Variants in APBB2 observed in about 807,000 individuals in gnomAD.
The protein encoded by APBB2 is amyloid beta precursor protein binding family B member 2.
A neutral mutation model predicts 82.5 loss-of-function variants in APBB2; 38 were observed. The observed-to-expected ratio is 0.46, with a 90% CI of 0.36 to 0.60. APBB2 has a LOEUF of 0.60. APBB2 is among the 20% of genes least tolerant of loss of function. The pLI, the probability that APBB2 is intolerant of heterozygous loss-of-function variation, is 0.00. For synonymous variants in APBB2, 341 were observed against 368.2 expected, an observed-to-expected ratio of 0.93 and a Z score of 0.85; for missense variants, 772 against 972.3, an observed-to-expected ratio of 0.79 and a Z score of 2.74.
At chr4:40,883,203 T>C (rs1769173884) in intron 12 of APBB2, among the ~76,000 whole-genome samples, 1 of 149,486 alleles carries the variant, frequency 6.7e-6, no homozygotes, top group Non-Finnish European at 1.5e-5. Flanking sequence ...CCTATACCCT[T>C]TTATAATACA....
intron 12 of APBB2, among the ~76,000 whole-genome samples, chr4:40,887,387 T>A (rs1262737324): frequency 6.6e-6 from 1 of 152,138 alleles, no homozygotes; most frequent in Admixed American, 6.6e-5. Flanking sequence ...CATCAAGAAA[T>A]CCCTGAAGAG....
intron 6 of APBB2, among the ~76,000 whole-genome samples, chr4:40,992,368 G>GGC (rs1553899666): frequency 2.1e-5 from 3 of 145,994 alleles, no homozygotes; most frequent in Admixed American, 2.0e-4. Context: ...AGATGGGGGG[G>GGC]GGTCTTTCTA....
intron 5 of APBB2, among the ~76,000 whole-genome samples, chr4:41,022,505 T>C (rs1029553006): frequency 2.0e-5 from 3 of 152,168 alleles, no homozygotes; most frequent in African/African-American, 7.2e-5. Context: ...TACTCCTCTT[T>C]GAAGATTCAG....
At chr4:40,906,559 C>T (rs1776811297) in intron 10 of APBB2, among the ~76,000 whole-genome samples, 1 of 151,680 alleles carries the variant, frequency 6.6e-6, no homozygotes, top group Non-Finnish European at 1.5e-5. Flanking sequence ...TTCAGAGTCC[C>T]AATGAGGAGG....
chr4:41,024,240 G>A (rs1713013624), intron 5 of APBB2, among the ~76,000 whole-genome samples: 1 of 152,090 alleles, frequency 6.6e-6, no homozygotes, highest in African/African-American at 2.4e-5. Flanking sequence ...CTGGAAGACA[G>A]CCTAAGCAAT....
chr4:40,906,114 T>C lies in APBB2; in HGVS notation c.1255-12703A>G, dbSNP rs1578329974. On this transcript the variant is annotated intron_variant, in intron 10 of 17. Coordinates refer to ENST00000508593, the MANE Select transcript of APBB2 (RefSeq NM_004307.2). ...ACATTTTTGCATGGCAATGAAATAA[T>C]GTCTTCAGTGTATTCTAAGCATAGA... Among the ~76,000 whole-genome samples, 4 of 152,198 alleles carry C rather than the reference T, an allele frequency of 2.6e-5. No individual in the cohort carries two copies. The South Asian group carries it at 8.3e-4, about 32-fold the overall frequency.
chr4:40,957,812 G>C (rs1261806841), intron 6 of APBB2, among the ~76,000 whole-genome samples: 1 of 152,126 alleles, frequency 6.6e-6, no homozygotes, highest in Non-Finnish European at 1.5e-5. Context: ...TCGAACTCCT[G>C]ACCTCAGGTG....
At chr4:41,050,156 G>A (rs1209760249) in intron 4 of APBB2, among the ~76,000 whole-genome samples, 11 of 152,112 alleles carry the variant, frequency 7.2e-5, no homozygotes, top group African/African-American at 2.7e-4. Flanking sequence ...TACCTCACAT[G>A]GTTACTATGT....
At chr4:41,065,555 A>G (rs1246555266) in intron 4 of APBB2, 21 bp downstream of exon 4, 1 of 152,170 alleles carries the variant, frequency 6.6e-6, no homozygotes, top group Non-Finnish European at 1.5e-5. Flanking sequence ...AAAGCAAGAG[A>G]GAGACTGATC....
At chr4:40,985,482 C>G (rs35302880) in intron 6 of APBB2, among the ~76,000 whole-genome samples, 1 of 152,094 alleles carries the variant, frequency 6.6e-6, no homozygotes, top group South Asian at 2.1e-4. Context: ...AAGTATGCAG[C>G]AACAGAGAGC....
rs886365201 is a variant in APBB2, at chr4:40,822,230, C to G, written c.1933-180G>C. On this transcript the variant is annotated intron_variant, in intron 16 of 17. Transcript: ENST00000508593. Reference sequence around the variant, plus strand: ...GAAGAGGCCATCACTGCATGGCTACCCTGTTCTGGAGGTCATTCTTGCTCT... The same window carrying G: ...GAAGAGGCCATCACTGCATGGCTACGCTGTTCTGGAGGTCATTCTTGCTCT... 7.1e-5 allele frequency: 46 copies of G among 645,862 alleles called. No homozygotes were observed. In the African/African-American group the frequency reaches 7.5e-4, roughly 11 times the overall value. 40.0% of individuals were successfully genotyped at this position (645,862 alleles called of 1,614,324 possible). A position where few individuals can be genotyped will look rare whatever the true frequency, so the allele number is the denominator to read the frequency against.
At chr4:40,905,049 TA>T in intron 10 of APBB2, among the ~76,000 whole-genome samples, 1 of 152,262 alleles carries the variant, frequency 6.6e-6, no homozygotes, top group South Asian at 2.1e-4. Flanking sequence ...GCAAGACACA[TA>T]ACTGGAAAAG....
intron 10 of APBB2, among the ~76,000 whole-genome samples, chr4:40,928,287 A>T (rs1290398692): frequency 6.6e-6 from 1 of 152,172 alleles, no homozygotes; most frequent in Non-Finnish European, 1.5e-5. Context: ...TCATGCCTGT[A>T]ATCCCAGCAC....
intron 5 of APBB2, among the ~76,000 whole-genome samples, chr4:41,025,148 C>T (rs780143821): frequency 2.0e-5 from 3 of 152,158 alleles, no homozygotes; most frequent in Non-Finnish European, 4.4e-5. Flanking sequence ...TCCTCCTTCA[C>T]TCCCACAACC....
At position 41,109,002 on chromosome 4, in the gene APBB2, T is replaced by A. The variant is rs534670734; in HGVS notation, c.-260-8252A>T. On this transcript the variant is annotated intron_variant, in intron 2 of 17. Transcript: ENST00000508593. ...TCTCTTTTTCTCTGTTATTCCTCAA[T>A]TTTCCATCTATGGTGCTCACTTGGC... 4.2e-4 allele frequency among the ~76,000 whole-genome samples: 64 copies of A among 152,338 alleles called. 1 individual carries two copies. In the South Asian group the frequency reaches 0.013, roughly 32 times the overall value.
intron 6 of APBB2, among the ~76,000 whole-genome samples, chr4:40,964,753 A>AACACACACATACACACACAC (rs1553884387): frequency 1.4e-5 from 2 of 139,666 alleles, no homozygotes; most frequent in Non-Finnish European, 3.1e-5. Context: ...CCATTGAATA[A>AACACACACATACACACACAC]ACACACACAC....
intron 3 of APBB2, among the ~76,000 whole-genome samples, chr4:41,076,473 TG>T (rs1171149807): frequency 6.6e-6 from 1 of 152,056 alleles, no homozygotes; most frequent in Non-Finnish European, 1.5e-5. Context: ...AAGGACTAAG[TG>T]GAACTATGCA....
intron 1 of APBB2, among the ~76,000 whole-genome samples, chr4:41,184,874 C>G (rs1772440167): frequency 6.6e-6 from 1 of 152,228 alleles, no homozygotes; most frequent in African/African-American, 2.4e-5. Context: ...CTCCGCCAAA[C>G]CTGCATCACA....
intron 1 of APBB2, among the ~76,000 whole-genome samples, chr4:41,146,245 GA>G (rs1314462691): frequency 7.0e-6 from 1 of 143,674 alleles, no homozygotes; most frequent in Non-Finnish European, 1.5e-5. Flanking sequence ...AGGATCACTT[GA>G]ACCCAGGAGG....
Sources: gnomAD v4.1 joint callset for allele counts (sites outside exome capture counted in the v4.1 genomes callset) on GRCh38, gnomAD v4.1.1 for gene constraint, MANE v1.5 for transcripts, NCBI Gene and HGNC (gene_info 2026-07-23, HGNC 2026-07-21) for gene names.